Variants in BORCS8 observed in about 807,000 individuals in gnomAD.
BORCS8 encodes the protein BLOC-1-related complex subunit 8.
Under a neutral mutation model 18.7 loss-of-function variants are expected in BORCS8, and 13 were observed. The ratio of observed to expected loss-of-function variants is 0.70; its 90% CI spans 0.45 to 1.11. The LOEUF (loss-of-function observed/expected upper bound fraction) is 1.11, where lower values mean the gene tolerates loss of function less well. BORCS8 is among the 50% of genes least tolerant of loss of function. The pLI is 0.00. For synonymous variants in BORCS8, 68 were observed against 64.8 expected (o/e 1.05, Z -0.24); for missense variants, 165 against 165.7 (o/e 1.00, Z 0.02).
At chr19:19,187,085 C>G (rs1351869144) in intron 1 of BORCS8, 80 bp from the exon 2 acceptor site, 1 of 1,143,126 alleles carries the variant, frequency 8.7e-7, no homozygotes, top group Non-Finnish European at 1.3e-6. Context: ...TTGAGCCCAG[C>G]CAGAGCAAAG....
At position 19,186,851 on chromosome 19, in the gene BORCS8, T is replaced by C. The variant is rs761590516; in HGVS notation, c.150+42A>G. The C allele has an allele frequency of 1.1e-5, 16 of 1,414,886 alleles. No homozygotes were observed. In the South Asian group the frequency reaches 2.2e-4, roughly 19 times the overall value. The allele number at this position is 1,414,886 out of a possible 1,614,324, so 87.6% of individuals were successfully genotyped here. A position where few individuals can be genotyped will look rare whatever the true frequency, so the allele number is the denominator to read the frequency against. ...TTGCTGGTGTCCCAGCCTTGACTCC[T>C]GCCCTGACAGCCCCTGCTCCTCCCA... On this transcript the variant is annotated intron_variant, in intron 2 of 5. Transcript: ENST00000462790.
chr19:19,183,446 A>G (rs2060370953), intron 3 of BORCS8, among the ~76,000 whole-genome samples: 1 of 151,842 alleles, frequency 6.6e-6, no homozygotes, highest in Admixed American at 6.6e-5. Flanking sequence ...ACTACAGACA[A>G]ATGTTCGCTG....
At chr19:19,186,534 G>GGTTT (rs1186847706) in intron 2 of BORCS8, among the ~76,000 whole-genome samples, 8 of 152,106 alleles carry the variant, frequency 5.3e-5, no homozygotes, top group Non-Finnish European at 5.9e-5. Flanking sequence ...GAGATCTTGT[G>GGTTT]GTTTTAATAA....
At chr19:19,186,585 T>C (rs1028092826) in intron 2 of BORCS8, among the ~76,000 whole-genome samples, 9 of 152,236 alleles carry the variant, frequency 5.9e-5, no homozygotes, top group African/African-American at 2.2e-4. Context: ...TTCTCCTTCT[T>C]GCTGCCATGT....
chr19:19,178,280 AG>A (rs1376811118), intron 5 of BORCS8: 2 of 152,404 alleles, frequency 1.3e-5, no homozygotes, highest in African/African-American at 4.8e-5. Flanking sequence ...CTGGGCCTGG[AG>A]GCTCCGGGCA....
chr19:19,186,147 G>C, intron 2 of BORCS8, 49 bp from the exon 3 acceptor site: 3 of 1,528,426 alleles, frequency 2.0e-6, no homozygotes, highest in Non-Finnish European at 2.7e-6. Context: ...CCCCCACCTA[G>C]AGGGCCTTCC....
intron 3 of BORCS8, 63 bp downstream of exon 3, chr19:19,185,970 CT>C: frequency 6.6e-7 from 1 of 1,508,514 alleles, no homozygotes; most frequent in Non-Finnish European, 9.0e-7. Context: ...TGGGATGCCC[CT>C]GAATGCCCAG....
At chr19:19,181,947 T>C (rs2146414505) in intron 4 of BORCS8, 1 of 985,450 alleles carries the variant, frequency 1.0e-6, no homozygotes, top group Non-Finnish European at 1.2e-6. Flanking sequence ...TCTTCAAAAA[T>C]TCTCTTTCCA....
chr19:19,182,060 T>C lies in BORCS8; in HGVS notation c.326+513A>G, dbSNP rs936017227. The stretch of plus-strand genomic sequence containing the variant: ...GGGACAGGGAGAGGCCCCTGCCATC[T>C]CCCTGGCCCCATCTCCCCCAGCTGG... On this transcript the variant is annotated intron_variant, in intron 4 of 5. Transcript: ENST00000462790. The surrounding 1 kb of genome is among the most constrained non-coding windows in gnomAD (Gnocchi z 4.1). 3.0e-6 allele frequency: 3 copies of C among 985,156 alleles called. No individual in the cohort carries two copies. In the African/African-American group the frequency reaches 5.2e-5, roughly 17 times the overall value. The allele number at this position is 985,156 out of a possible 1,614,324, so 61.0% of individuals were successfully genotyped here.
intron 1 of BORCS8, among the ~76,000 whole-genome samples, chr19:19,189,614 G>A (rs542557077): frequency 4.3e-4 from 65 of 152,246 alleles, no homozygotes; most frequent in African/African-American, 1.4e-3. Context: ...AAGGTAGGAG[G>A]ATCACTTGAG....
intron 3 of BORCS8, among the ~76,000 whole-genome samples, chr19:19,185,625 G>A (rs971553303): frequency 6.6e-6 from 1 of 152,254 alleles, no homozygotes; most frequent in East Asian, 1.9e-4. Flanking sequence ...GGCGGACGTT[G>A]CAGTGAACTG....
At chr19:19,178,941 CAG>C (rs966568191) in intron 5 of BORCS8, 1 of 141,500 alleles carries the variant, frequency 7.1e-6, no homozygotes, top group Non-Finnish European at 1.5e-5. Flanking sequence ...GCCTGGGTGA[CAG>C]AGTGAGACTC....
At chr19:19,186,728 T>C (rs1302295391) in intron 2 of BORCS8, among the ~76,000 whole-genome samples, 165 bp downstream of exon 2, 1 of 152,232 alleles carries the variant, frequency 6.6e-6, no homozygotes, top group Non-Finnish European at 1.5e-5. Flanking sequence ...GATAGCAGCA[T>C]GAGAATGAAC....
intron 1 of BORCS8, among the ~76,000 whole-genome samples, chr19:19,187,624 C>T (rs371677845): frequency 8.6e-5 from 13 of 151,058 alleles, no homozygotes; most frequent in African/African-American, 1.9e-4. Context: ...CCACAACCTC[C>T]GACTCCCTGG....
intron 1 of BORCS8, 95 bp downstream of exon 1, chr19:19,191,986 C>G: frequency 1.4e-6 from 2 of 1,461,018 alleles, no homozygotes; most frequent in Non-Finnish European, 1.9e-6. Flanking sequence ...AGTTCAATCA[C>G]TGCTCCTCGC....
intron 1 of BORCS8, among the ~76,000 whole-genome samples, chr19:19,191,347 C>A (rs907365646): frequency 1.3e-5 from 2 of 151,618 alleles, no homozygotes; most frequent in South Asian, 2.1e-4. Flanking sequence ...AAAGAATTAG[C>A]CTGATGTGGT....
intron 5 of BORCS8, chr19:19,178,479 G>C (rs945202797): frequency 1.3e-5 from 2 of 152,518 alleles, no homozygotes; most frequent in Non-Finnish European, 2.9e-5. Flanking sequence ...GTCCGGGTGG[G>C]AATCCTGGCA....
chr19:19,182,420 T>C lies in BORCS8; in HGVS notation c.326+153A>G. ...GTATTAAGTGACTGAACTCAGGTTA[T>C]AGATGCCACAGGACAAGAGGAGGTC... On this transcript the variant is annotated intron_variant, in intron 4 of 5. Coordinates refer to ENST00000462790, the MANE Select transcript of BORCS8 (RefSeq NM_001145784.2). The surrounding 1 kb of genome is among the most constrained non-coding windows in gnomAD (Gnocchi z 4.1). 2.1e-6 allele frequency: 3 copies of C among 1,425,264 alleles called. No homozygotes were observed. Among genetic ancestry groups the C allele is most frequent in the Non-Finnish European group, 2.8e-6 (3 of 1,090,328 alleles). 88.3% of individuals were successfully genotyped at this position (1,425,264 alleles called of 1,614,324 possible).
In BORCS8 at chr19:19,182,385, CAGGACCTCGGTATTA is replaced by C. The variant is rs1197529644; in HGVS notation, c.326+173_326+187del. On this transcript the variant is annotated intron_variant, in intron 4 of 5. Coordinates refer to ENST00000462790, the MANE Select transcript of BORCS8 (RefSeq NM_001145784.2). The surrounding 1 kb of genome is among the most constrained non-coding windows in gnomAD (Gnocchi z 4.1). ...CCAGGGCCAGGCACACAGCAGAGCG[CAGGACCTCGGTATTA>C]AGTGACTGAACTCAGGTTATAGATG... The C allele has an allele frequency of 7.2e-7, 1 of 1,391,244 alleles. No homozygotes were observed. Among genetic ancestry groups the C allele is most frequent in the East Asian group, 2.7e-5 (1 of 37,108 alleles). 86.2% of individuals were successfully genotyped at this position (1,391,244 alleles called of 1,614,324 possible). A position where few individuals can be genotyped will look rare whatever the true frequency, so the allele number is the denominator to read the frequency against.
Sources: allele counts gnomAD v4.1 joint callset (sites outside exome capture counted in the v4.1 genomes callset), GRCh38; gene constraint gnomAD v4.1.1; non-coding constraint Gnocchi (gnomAD v3.1); transcripts MANE v1.5; gene names NCBI Gene and HGNC (gene_info 2026-07-23, HGNC 2026-07-21).